MEX3C: variants seen among roughly 807,000 people sequenced by gnomAD.
MEX3C encodes mex-3 RNA binding family member C.
Under a neutral mutation model 35.5 loss-of-function variants are expected in MEX3C, and 15 were observed. That is an observed-to-expected ratio of 0.42 (90% CI 0.28 to 0.65). The LOEUF is 0.65. Among genes scored for constraint, MEX3C ranks in the 30% least tolerant of loss-of-function variants. The pLI, the probability that MEX3C is intolerant of heterozygous loss-of-function variation, is 0.20. For synonymous variants in MEX3C, 390 were observed against 352.8 expected (o/e 1.11, Z -1.18); for missense variants, 711 against 842.8 (o/e 0.84, Z 1.94).
At chr18:51,186,303 T>C (rs1317406468) in intron 1 of MEX3C, among the ~76,000 whole-genome samples, 1 of 152,148 alleles carries the variant, frequency 6.6e-6, no homozygotes, top group African/African-American at 2.4e-5. Flanking sequence ...AGTAGGTACA[T>C]ACAAAAGGAG....
intron 1 of MEX3C, among the ~76,000 whole-genome samples, chr18:51,186,624 G>A (rs1824288705): frequency 6.6e-6 from 1 of 152,162 alleles, no homozygotes; most frequent in African/African-American, 2.4e-5. Flanking sequence ...AAACAGATAT[G>A]CATGTTAAGA....
At chr18:51,195,113 A>T (rs1465860203) in intron 1 of MEX3C, 1 of 152,254 alleles carries the variant, frequency 6.6e-6, no homozygotes. Flanking sequence ...CAAGCTTGGT[A>T]CATAGCGATT....
At position 51,196,940 on chromosome 18, in the gene MEX3C, C is replaced by CT; in HGVS notation, c.380dup (p.Glu128GlyfsTer127). 6.5e-7 allele frequency: 1 copy of CT among 1,544,372 alleles called. No homozygotes were observed. Among genetic ancestry groups the CT allele is most frequent in the Non-Finnish European group, 8.7e-7 (1 of 1,145,944 alleles). ...CCTCCTCTGCTTCCTCCAGCTCCTC[C>CT]TCCTCCAGCAGGTCTCCGTCCAGCT... is the stretch of plus-strand genomic sequence containing the variant. On this transcript the variant is annotated frameshift_variant, in exon 1 of 2. Coordinates refer to ENST00000406189, the MANE Select transcript of MEX3C (RefSeq NM_016626.5). LOFTEE classifies it high-confidence loss of function.
intron 1 of MEX3C, 191 bp downstream of exon 1, chr18:51,196,376 G>A: frequency 7.8e-7 from 1 of 1,283,410 alleles, no homozygotes; most frequent in Non-Finnish European, 1.0e-6. Flanking sequence ...GGCAAGACGG[G>A]CGGAAAAGCG....
intron 1 of MEX3C, chr18:51,195,239 C>G (rs1912751134): frequency 6.6e-6 from 1 of 152,172 alleles, no homozygotes; most frequent in Non-Finnish European, 1.5e-5. Flanking sequence ...ATCGCCAAAA[C>G]CAAACAATCC....
At chr18:51,188,541 T>C (rs1659596013) in intron 1 of MEX3C, among the ~76,000 whole-genome samples, 1 of 150,492 alleles carries the variant, frequency 6.6e-6, no homozygotes, top group Middle Eastern at 3.4e-3. Flanking sequence ...GAGGTTGCAA[T>C]GAGCTGAGAT....
chr18:51,176,402 T>C lies in MEX3C; in HGVS notation c.1929A>G (p.Ser643=). 2 of 1,613,988 alleles carry C rather than the reference T, an allele frequency of 1.2e-6. No homozygotes were observed. The highest frequency in any genetic ancestry group is 1.7e-6 in the Non-Finnish European group (2 of 1,179,884). Residue 643 remains serine (S), a synonymous_variant, in exon 2 of 2, where the codon TCA becomes TCG. Transcript: ENST00000406189. ...TAACAGCTGTCTGGCAAACTGGACA[T>C]GATGGCGTTCTCTTTTCACAGATCT... ...ANKICEKRTP[S]CPVCQTAVTQ...
At chr18:51,192,360 T>C (rs1306880108) in intron 1 of MEX3C, among the ~76,000 whole-genome samples, 1 of 152,168 alleles carries the variant, frequency 6.6e-6, no homozygotes, top group Non-Finnish European at 1.5e-5. Context: ...CCAGAACTAA[T>C]ACAAACCATT....
Position 51,176,872 on chromosome 18 carries a change from C to T in MEX3C, c.1459G>A (p.Val487Ile), listed in dbSNP as rs769410362. ...NFWFGDTLPS[V>I]GSEDLAVDSP... The stretch of plus-strand genomic sequence containing the variant: ...TCAACTGCTAGGTCTTCTGAGCCTA[C>T]AGATGGTAGTGTATCTCCAAACCAG... The change falls in exon 2 of 2, where the codon GTA becomes ATA. Residue 487 changes from valine to isoleucine, a missense_variant. Physicochemically the swap from Val to Ile is conservative, Grantham distance 29 (BLOSUM62 3). This residue lies in a region of MEX3C where 187 missense variants were observed against 201.7 expected (regional missense o/e 0.93). Transcript: ENST00000406189. The T allele has an allele frequency of 1.6e-5, 26 of 1,614,040 alleles. No homozygotes were observed. The highest frequency in any genetic ancestry group is 2.2e-5 in the Non-Finnish European group (26 of 1,179,896).
intron 1 of MEX3C, among the ~76,000 whole-genome samples, chr18:51,178,721 G>A (rs1912357303): frequency 6.6e-6 from 1 of 151,960 alleles, no homozygotes; most frequent in South Asian, 2.1e-4. Context: ...TTAGCTGGGC[G>A]TGGTGGTGCA....
At position 51,177,518 on chromosome 18, in the gene MEX3C, A is replaced by G. The variant is rs1407215504; in HGVS notation, c.813T>C (p.Arg271=). Residue 271 remains arginine, a synonymous_variant, in exon 2 of 2, where the codon CGT becomes CGC. Transcript: ENST00000406189. This position sits in a 1 kb window ranked among gnomAD's most constrained non-coding sequence, Gnocchi z 4.2. ...TGACAACAAAAATGGGCTCTTCACC[A>G]CGAACAGGAGTCTTGATATACGTGT... ...KTNTYIKTPV[R]GEEPIFVVTG... The G allele has an allele frequency of 6.2e-7, 1 of 1,614,016 alleles. No homozygotes were observed. Among genetic ancestry groups the G allele is most frequent in the South Asian group, 1.1e-5 (1 of 91,074 alleles).
At position 51,175,982 on chromosome 18, in the gene MEX3C, A is replaced by T. The variant is rs1311776652; in HGVS notation, c.*369T>A. The T allele has an allele frequency of 5.9e-6, 1 of 169,870 alleles. No homozygotes were observed. 10.5% of individuals were successfully genotyped at this position (169,870 alleles called of 1,614,324 possible). ...TGCCAAGTACCCTCCATAAACTCTTAAAGTGGTTAGGCTTTGGGACCCATT... is the reference window on the plus strand; with the variant it reads ...TGCCAAGTACCCTCCATAAACTCTTTAAGTGGTTAGGCTTTGGGACCCATT... On this transcript the variant is annotated 3_prime_UTR_variant, in exon 2 of 2. Coordinates refer to ENST00000406189, the MANE Select transcript of MEX3C (RefSeq NM_016626.5).
intron 1 of MEX3C, among the ~76,000 whole-genome samples, chr18:51,182,143 A>G (rs1912444693): frequency 1.3e-5 from 2 of 152,174 alleles, no homozygotes; most frequent in Non-Finnish European, 2.9e-5. Context: ...CTATTTTATT[A>G]TTGTTAATCT....
chr18:51,176,138 C>G lies in MEX3C; in HGVS notation c.*213G>C. On this transcript the variant is annotated 3_prime_UTR_variant, in exon 2 of 2. Transcript: ENST00000406189. ...ATGTCTCTGGGTCTACAGGATAGTA[C>G]TAATAATTCAAACCAAACTAATAGA... The G allele has an allele frequency of 2.0e-6, 1 of 502,064 alleles. No homozygotes were observed. The highest frequency in any genetic ancestry group is 3.4e-5 in the South Asian group (1 of 29,706). 31.1% of individuals were successfully genotyped at this position (502,064 alleles called of 1,614,324 possible).
In MEX3C at chr18:51,197,188, C is replaced by G; in HGVS notation, c.133G>C (p.Gly45Arg). 1 of 1,028,680 alleles carries G rather than the reference C, an allele frequency of 9.7e-7. No homozygotes were observed. The highest frequency in any genetic ancestry group is 1.2e-6 in the Non-Finnish European group (1 of 861,226). 63.7% of individuals were successfully genotyped at this position (1,028,680 alleles called of 1,614,324 possible). A position where few individuals can be genotyped will look rare whatever the true frequency, so the allele number is the denominator to read the frequency against. Residue 45 changes from glycine to arginine, a missense_variant, in exon 1 of 2, where the codon GGG (glycine) becomes CGG (arginine). Transcript: ENST00000406189. Reference protein sequence around the residue: ...PSGGPELEGDGLLLRERLAAL... With the variant: ...PSGGPELEGDRLLLRERLAAL... ...GCCAAGCGCTCCCTCAGCAGGAGCCCGTCCCCCTCGAGCTCCGGGCCGCCC... is the reference window on the plus strand; with the variant it reads ...GCCAAGCGCTCCCTCAGCAGGAGCCGGTCCCCCTCGAGCTCCGGGCCGCCC...
rs1376550423 is a variant in MEX3C, at chr18:51,174,980, AAGCAATT to A, written c.*1364_*1370del. 1 of 152,646 alleles carries A rather than the reference AAGCAATT, an allele frequency of 6.6e-6. No individual in the cohort carries two copies. The highest frequency in any genetic ancestry group is 1.5e-5 in the Non-Finnish European group (1 of 68,038). The allele number at this position is 152,646 out of a possible 1,614,324, so 9.5% of individuals were successfully genotyped here. On this transcript the variant is annotated 3_prime_UTR_variant, in exon 2 of 2. Transcript: ENST00000406189. ...CAATACTGACCATTTACTATCCTAC[AAGCAATT>A]AGCATTACATCATAATATGCCATCA...
chr18:51,187,859 C>G (rs1482362760), intron 1 of MEX3C, among the ~76,000 whole-genome samples: 1 of 152,132 alleles, frequency 6.6e-6, no homozygotes, highest in African/African-American at 2.4e-5. Context: ...TCAAAAGCTC[C>G]TTTCATTTTA....
At chr18:51,191,450 A>G (rs1912646291) in intron 1 of MEX3C, among the ~76,000 whole-genome samples, 1 of 152,204 alleles carries the variant, frequency 6.6e-6, no homozygotes, top group Non-Finnish European at 1.5e-5. Flanking sequence ...AACAAGAAAT[A>G]AACCATAGTT....
intron 1 of MEX3C, among the ~76,000 whole-genome samples, chr18:51,185,891 C>G (rs998739047): frequency 4.0e-5 from 6 of 151,714 alleles, no homozygotes; most frequent in African/African-American, 1.2e-4. Flanking sequence ...GAGACCCCCC[C>G]CTCTCTATAA....
Sources: gnomAD v4.1 joint callset for allele counts (sites outside exome capture counted in the v4.1 genomes callset) on GRCh38, gnomAD v4.1.1 for gene constraint, gnomAD v4.1.1 regional missense constraint, Gnocchi (gnomAD v3.1) non-coding constraint, MANE v1.5 for transcripts, NCBI Gene and HGNC (gene_info 2026-07-23, HGNC 2026-07-21) for gene names.